Variants in COL4A1 observed in about 807,000 individuals in gnomAD.
COL4A1 encodes collagen type IV alpha 1 chain.
COL4A1 carries 40 observed loss-of-function variants against 216.6 expected under a neutral mutation model. The ratio of observed to expected loss-of-function variants is 0.18; its 90% confidence interval spans 0.14 to 0.24. COL4A1 has a LOEUF of 0.24. Ranked by LOEUF, COL4A1 falls within the 10% of genes least tolerant of loss-of-function variation. The pLI, the probability that COL4A1 is intolerant of heterozygous loss-of-function variation, is 1.00. For synonymous variants in COL4A1, 839 were observed against 810.7 expected, an observed-to-expected ratio of 1.03 and a Z score of -0.59; for missense variants, 1,628 against 2,196.8, an observed-to-expected ratio of 0.74 and a Z score of 5.18.
chr13:110,185,284 T>C (rs529370627), intron 26 of COL4A1, among the ~76,000 whole-genome samples: 46 of 152,274 alleles, frequency 3.0e-4, no homozygotes, highest in Non-Finnish European at 6.2e-4. Flanking sequence ...TAGCTGGGAC[T>C]ATAGGTGCCT....
chr13:110,159,867 G>A (rs1223290831), intron 49 of COL4A1, among the ~76,000 whole-genome samples: 1 of 152,192 alleles, frequency 6.6e-6, no homozygotes, highest in African/African-American at 2.4e-5. Flanking sequence ...GAAAAATACT[G>A]TATGATTCCA....
chr13:110,300,835 A>G (rs921518821), intron 1 of COL4A1, among the ~76,000 whole-genome samples: 1 of 152,246 alleles, frequency 6.6e-6, no homozygotes, highest in Non-Finnish European at 1.5e-5. Context: ...CTCCTTTATC[A>G]GGTAAGAGGT....
In COL4A1 at chr13:110,222,771, TTAAAAAAA is replaced by T. The variant is rs1160678062; in HGVS notation, c.145-8764_145-8757del. Among the ~76,000 whole-genome samples the T allele has an allele frequency of 2.8e-4, 26 of 93,412 alleles. 1 individual carries two copies. Among genetic ancestry groups the T allele is most frequent in the South Asian group, 8.4e-4 (2 of 2,394 alleles). 61.3% of individuals were successfully genotyped at this position (93,412 alleles called of 152,430 possible). On this transcript the variant is annotated intron_variant, in intron 2 of 51. Coordinates refer to ENST00000375820, the MANE Select transcript of COL4A1 (RefSeq NM_001845.6). ...CTGGGCGACAGAGCCAGACTCTGCT[TTAAAAAAA>T]AAAAAAAAAAAAAAAAAAAGAATTA...
chr13:110,299,451 T>C (rs757544626), intron 1 of COL4A1, among the ~76,000 whole-genome samples: 2 of 152,222 alleles, frequency 1.3e-5, no homozygotes, highest in Non-Finnish European at 2.9e-5. Context: ...TGCTTCTGAA[T>C]TTGTCTTTAA....
chr13:110,278,613 A>G (rs533194051), intron 1 of COL4A1, among the ~76,000 whole-genome samples: 2 of 152,330 alleles, frequency 1.3e-5, no homozygotes, highest in South Asian at 4.1e-4. Context: ...CTTTTTAAAA[A>G]GGCTTTCCTC....
In COL4A1 at chr13:110,247,900, C is replaced by A. The variant is rs372523446; in HGVS notation, c.85-5166G>T. ...GCAGTGTTATACAGTTTAACTGGGACATGTCTTCTGATGAAGGCATATTTG... is the reference window on the plus strand; with the variant it reads ...GCAGTGTTATACAGTTTAACTGGGAAATGTCTTCTGATGAAGGCATATTTG... On this transcript the variant is annotated intron_variant, in intron 1 of 51. Transcript: ENST00000375820. Among the ~76,000 whole-genome samples, 15 of 150,364 alleles carry A rather than the reference C, an allele frequency of 1.0e-4. No homozygotes were observed. In the East Asian group the frequency reaches 2.9e-3, roughly 30 times the overall value.
intron 1 of COL4A1, among the ~76,000 whole-genome samples, chr13:110,292,684 AACTC>A (rs919098522): frequency 5.3e-5 from 8 of 152,158 alleles, no homozygotes; most frequent in African/African-American, 1.9e-4. Flanking sequence ...ATCTCATGAG[AACTC>A]ACTCACTATC....
intron 1 of COL4A1, among the ~76,000 whole-genome samples, chr13:110,303,271 C>T (rs371903682): frequency 1.3e-4 from 19 of 151,968 alleles, no homozygotes; most frequent in African/African-American, 4.4e-4. Flanking sequence ...TCATCCATGC[C>T]GCAACTTTCC....
intron 25 of COL4A1, among the ~76,000 whole-genome samples, 162 bp downstream of exon 25, chr13:110,186,976 A>T (rs1878431436): frequency 6.6e-6 from 1 of 152,250 alleles, no homozygotes; most frequent in Admixed American, 6.5e-5. Flanking sequence ...GCCTAGGTTT[A>T]TAGACTTAAG....
chr13:110,176,341 T>C, intron 36 of COL4A1, 83 bp downstream of exon 36: 1 of 941,866 alleles, frequency 1.1e-6, no homozygotes, highest in East Asian at 2.4e-5. Context: ...CCGTCTCAGC[T>C]GAAGAGGATC....
At chr13:110,239,556 A>G (rs955168564) in intron 2 of COL4A1, among the ~76,000 whole-genome samples, 2 of 152,236 alleles carry the variant, frequency 1.3e-5, no homozygotes, top group Non-Finnish European at 2.9e-5. Flanking sequence ...ATATCAAAAT[A>G]ATTTCTATGA....
intron 26 of COL4A1, among the ~76,000 whole-genome samples, chr13:110,183,883 G>C (rs1052025666): frequency 6.6e-6 from 1 of 152,338 alleles, no homozygotes; most frequent in Admixed American, 6.5e-5. Flanking sequence ...AGCCACCGGA[G>C]TGTCAGGGTT....
At chr13:110,279,916 G>C (rs1883563762) in intron 1 of COL4A1, among the ~76,000 whole-genome samples, 1 of 152,166 alleles carries the variant, frequency 6.6e-6, no homozygotes, top group Non-Finnish European at 1.5e-5. Context: ...TCCTGGGTCT[G>C]CCAGACACCT....
chr13:110,221,882 T>C (rs778164113), intron 2 of COL4A1, among the ~76,000 whole-genome samples: 1 of 152,258 alleles, frequency 6.6e-6, no homozygotes, highest in Non-Finnish European at 1.5e-5. Context: ...CTTGTGAACC[T>C]GCTCAGTCAG....
Position 110,211,968 on chromosome 13 carries a change from A to T in COL4A1, c.388-46T>A. ...CATTCATACGCACTGTGTGTGGCAG[A>T]CACATCAGCCCTGACATCGCATGCA... On this transcript the variant is annotated intron_variant, in intron 6 of 51. Coordinates refer to ENST00000375820, the MANE Select transcript of COL4A1 (RefSeq NM_001845.6). The surrounding 1 kb of genome is among the most constrained non-coding windows in gnomAD (Gnocchi z 4.3). 2 of 1,576,216 alleles carry T rather than the reference A, an allele frequency of 1.3e-6. No homozygotes were observed. The highest frequency in any genetic ancestry group is 1.7e-6 in the Non-Finnish European group (2 of 1,145,462).
rs144950610 is a variant in COL4A1, at chr13:110,187,321, T to A, written c.1545A>T (p.Gln515His). 150 of 1,612,130 alleles carry A rather than the reference T, an allele frequency of 9.3e-5. 1 individual carries two copies. Among genetic ancestry groups the A allele is most frequent in the Non-Finnish European group, 5.8e-5 (68 of 1,179,852 alleles). Residue 515 changes from glutamine (Q) to histidine (H), a missense_variant, in exon 25 of 52, where the codon CAA (glutamine) becomes CAT (histidine). Around this residue, in one of 8 missense-constraint regions of COL4A1, gnomAD observed 701 missense variants for 892.5 expected, o/e 0.79. Transcript: ENST00000375820. ...RDGVAGVPGP[Q>H]GTPGLIGQPG... is the part of the protein sequence containing the mutation. Reference sequence around the variant, plus strand: ...GCTGGCCTATCAGCCCTGGTGTACCTTGAGGGCCCTGTAAGAACAAAGCCT... The same window carrying A: ...GCTGGCCTATCAGCCCTGGTGTACCATGAGGGCCCTGTAAGAACAAAGCCT...
Position 110,194,360 on chromosome 13 carries a change from A to G in COL4A1, c.1381+663T>C, listed in dbSNP as rs979688209. Among the ~76,000 whole-genome samples the G allele has an allele frequency of 2.6e-5, 4 of 152,094 alleles. No homozygotes were observed. In the East Asian group the frequency reaches 7.7e-4, roughly 29 times the overall value. ...TGAGGGACAGCCTCCTATTTGTCCTACTCTCGGGTTACTAACAGGCATATA... is the reference window on the plus strand; with the variant it reads ...TGAGGGACAGCCTCCTATTTGTCCTGCTCTCGGGTTACTAACAGGCATATA... On this transcript the variant is annotated intron_variant, in intron 22 of 51. Transcript: ENST00000375820.
At chr13:110,304,020 C>T (rs1483910472) in intron 1 of COL4A1, among the ~76,000 whole-genome samples, 1 of 152,202 alleles carries the variant, frequency 6.6e-6, no homozygotes, top group Non-Finnish European at 1.5e-5. Context: ...GCACACTCAT[C>T]CTGTGTACAC....
chr13:110,188,278 C>T (rs1382616641), intron 24 of COL4A1, among the ~76,000 whole-genome samples: 2 of 152,240 alleles, frequency 1.3e-5, no homozygotes, highest in African/African-American at 2.4e-5. Flanking sequence ...AACTTCCTTG[C>T]AGAAGGTTCT....
Sources: gnomAD v4.1 joint callset for allele counts (sites outside exome capture counted in the v4.1 genomes callset) on GRCh38, gnomAD v4.1.1 for gene constraint, gnomAD v4.1.1 regional missense constraint, Gnocchi (gnomAD v3.1) non-coding constraint, MANE v1.5 for transcripts, NCBI Gene and HGNC (gene_info 2026-07-23, HGNC 2026-07-21) for gene names.